The following EPHA6 variants were observed in gnomAD, a reference collection of about 807,000 sequenced individuals.
The protein encoded by EPHA6 is EPH receptor A6, also known as ephrin type-A receptor 6.
Under a neutral mutation model 112.0 loss-of-function variants are expected in EPHA6, and 50 were observed. That is an observed-to-expected ratio of 0.45 (90% CI 0.36 to 0.56). The LOEUF (loss-of-function observed/expected upper bound fraction) is 0.56. EPHA6 is among the 20% of genes least tolerant of loss of function. The pLI is 0.00. For synonymous variants in EPHA6, 529 were observed against 490.7 expected (o/e 1.08, Z -1.03); for missense variants, 1,280 against 1,417.4 (o/e 0.90, Z 1.56).
At chr3:97,085,927 T>TTGTATATATATATATATA (rs1559718504) in intron 3 of EPHA6, among the ~76,000 whole-genome samples, 3 of 103,960 alleles carry the variant, frequency 2.9e-5, no homozygotes, top group African/African-American at 1.9e-4. Flanking sequence ...ATATATGATG[T>TTGTATATATATATATATA]CATATATATA....
At chr3:97,550,925 G>A (rs932917087) in intron 11 of EPHA6, among the ~76,000 whole-genome samples, 9 of 151,980 alleles carry the variant, frequency 5.9e-5, no homozygotes, top group Non-Finnish European at 1.5e-5. Context: ...AATGAGAAAG[G>A]AAAGGAAAGA....
At chr3:97,232,452 A>G (rs1052676118) in intron 4 of EPHA6, among the ~76,000 whole-genome samples, 1 of 152,172 alleles carries the variant, frequency 6.6e-6, no homozygotes, top group Non-Finnish European at 1.5e-5. Flanking sequence ...ATTCCTGCAA[A>G]CTAAAAACAA....
chr3:96,851,878 C>G (rs181641845), intron 1 of EPHA6, among the ~76,000 whole-genome samples: 5 of 152,078 alleles, frequency 3.3e-5, no homozygotes, highest in East Asian at 1.9e-4. Context: ...CTTGCAGGGA[C>G]GCAGAAGCGT....
chr3:97,524,014 A>G (rs2092583182), intron 10 of EPHA6, among the ~76,000 whole-genome samples: 1 of 152,104 alleles, frequency 6.6e-6, no homozygotes, highest in South Asian at 2.1e-4. Context: ...TTGGAGGGAA[A>G]ATATTATTGG....
At chr3:97,139,039 G>A (rs114418174) in intron 3 of EPHA6, among the ~76,000 whole-genome samples, 1 of 152,084 alleles carries the variant, frequency 6.6e-6, no homozygotes, top group Non-Finnish European at 1.5e-5. Flanking sequence ...CTGGAGGGTT[G>A]CCCAAGTGGC....
At chr3:97,548,198 A>G (rs972622684) in intron 11 of EPHA6, among the ~76,000 whole-genome samples, 1 of 152,184 alleles carries the variant, frequency 6.6e-6, no homozygotes, top group Non-Finnish European at 1.5e-5. Context: ...GTATTCGGCC[A>G]TCTTGGCTCC....
intron 14 of EPHA6, chr3:97,648,388 G>A (rs368068247): frequency 6.7e-6 from 10 of 1,486,986 alleles, no homozygotes; most frequent in Non-Finnish European, 8.9e-6. Context: ...ACACCCAACT[G>A]GAGATAATTA....
At chr3:97,411,163 T>G (rs2087688366) in intron 6 of EPHA6, among the ~76,000 whole-genome samples, 1 of 151,938 alleles carries the variant, frequency 6.6e-6, no homozygotes, top group African/African-American at 2.4e-5. Flanking sequence ...GCAAGGGAAT[T>G]TACTGATACA....
chr3:96,857,356 C>A (rs952852978), intron 1 of EPHA6, among the ~76,000 whole-genome samples: 1 of 152,130 alleles, frequency 6.6e-6, no homozygotes, highest in Non-Finnish European at 1.5e-5. Context: ...AAGCTTCCAT[C>A]TGTCATTCTT....
At chr3:96,831,629 C>T (rs1220149109) in intron 1 of EPHA6, among the ~76,000 whole-genome samples, 3 of 151,682 alleles carry the variant, frequency 2.0e-5, no homozygotes, top group African/African-American at 7.3e-5. Context: ...AATATGCAGG[C>T]TTGTCACATA....
intron 5 of EPHA6, among the ~76,000 whole-genome samples, chr3:97,371,395 T>C (rs2085044298): frequency 6.6e-6 from 1 of 152,148 alleles, no homozygotes; most frequent in Admixed American, 6.5e-5. Flanking sequence ...AATACTTTTA[T>C]AATTTCTTAC....
At chr3:97,684,098 T>C (rs969114779) in intron 14 of EPHA6, among the ~76,000 whole-genome samples, 6 of 152,180 alleles carry the variant, frequency 3.9e-5, no homozygotes, top group Non-Finnish European at 8.8e-5. Flanking sequence ...CTGCTTGTTA[T>C]ATACATGTCT....
At chr3:97,307,629 G>T (rs2081374841) in intron 5 of EPHA6, among the ~76,000 whole-genome samples, 1 of 149,282 alleles carries the variant, frequency 6.7e-6, no homozygotes, top group East Asian at 2.0e-4. Flanking sequence ...TTTCTTTAAA[G>T]GTGATGTCTA....
At chr3:96,903,490 A>G (rs2038735984) in intron 2 of EPHA6, among the ~76,000 whole-genome samples, 1 of 152,138 alleles carries the variant, frequency 6.6e-6, no homozygotes, top group African/African-American at 2.4e-5. Flanking sequence ...ATGTCAGAAG[A>G]TTATTTGTAT....
intron 3 of EPHA6, among the ~76,000 whole-genome samples, chr3:97,145,635 G>C (rs1319751600): frequency 6.6e-6 from 1 of 150,820 alleles, no homozygotes; most frequent in Non-Finnish European, 1.5e-5. Flanking sequence ...TAAATCATTT[G>C]TCATTGAAAG....
At chr3:96,860,085 G>A (rs554113744) in intron 1 of EPHA6, among the ~76,000 whole-genome samples, 2 of 152,182 alleles carry the variant, frequency 1.3e-5, no homozygotes, top group Non-Finnish European at 2.9e-5. Flanking sequence ...AATATATAGA[G>A]TTTAAATATA....
chr3:96,904,546 A>C (rs1466389124), intron 2 of EPHA6, among the ~76,000 whole-genome samples: 2 of 151,422 alleles, frequency 1.3e-5, no homozygotes, highest in African/African-American at 4.9e-5. Context: ...AACATGGCAC[A>C]TGTATACATA....
At position 97,364,072 on chromosome 3, in the gene EPHA6, A is replaced by T. The variant is rs1029681276; in HGVS notation, c.1607-41078A>T. Among the ~76,000 whole-genome samples the T allele has an allele frequency of 9.2e-5, 14 of 152,168 alleles. No homozygotes were observed. The East Asian group carries it at 2.1e-3, about 23-fold the overall frequency. On this transcript the variant is annotated intron_variant, in intron 5 of 17. Transcript: ENST00000389672. ...TTTGGGAAGATGGAAAATGTTCTGG[A>T]GATAGATAACAGTGATGGCTACATA...
intron 11 of EPHA6, among the ~76,000 whole-genome samples, chr3:97,582,775 T>G (rs918637297): frequency 6.6e-6 from 1 of 152,182 alleles, no homozygotes; most frequent in African/African-American, 2.4e-5. Context: ...ACCATATAGA[T>G]GCCATTTTGA....
Sources: gnomAD v4.1 joint callset for allele counts (sites outside exome capture counted in the v4.1 genomes callset) on GRCh38, gnomAD v4.1.1 for gene constraint, MANE v1.5 for transcripts, NCBI Gene and HGNC (gene_info 2026-07-23, HGNC 2026-07-21) for gene names.